The following ZNF609 variants were observed in gnomAD, a reference collection of about 807,000 sequenced individuals.
ZNF609 encodes the protein zinc finger protein 609.
A neutral mutation model predicts 109.5 loss-of-function variants in ZNF609; 11 were observed. That is an observed-to-expected ratio of 0.10 (90% CI 0.06 to 0.17). The LOEUF is 0.17. Among genes scored for constraint, ZNF609 ranks in the 10% least tolerant of loss-of-function variants. The pLI is 1.00. For synonymous variants in ZNF609, 646 were observed against 662.0 expected, an observed-to-expected ratio of 0.98 and a Z score of 0.37; for missense variants, 1,559 against 1,772.4, an observed-to-expected ratio of 0.88 and a Z score of 2.16.
chr15:64,581,965 CCT>C (rs1197699824), intron 2 of ZNF609, among the ~76,000 whole-genome samples: 1 of 152,020 alleles, frequency 6.6e-6, no homozygotes, highest in African/African-American at 2.4e-5. Context: ...TCAGAGTCAC[CCT>C]CTCCAACACT....
chr15:64,514,107 A>C (rs1317768804), intron 2 of ZNF609, among the ~76,000 whole-genome samples: 2 of 148,446 alleles, frequency 1.3e-5, no homozygotes, highest in Non-Finnish European at 3.0e-5. Flanking sequence ...AAAAAAAACC[A>C]CCAGTTCAAA....
intron 2 of ZNF609, among the ~76,000 whole-genome samples, chr15:64,580,292 C>T (rs1056491038): frequency 6.6e-6 from 1 of 152,150 alleles, no homozygotes; most frequent in Non-Finnish European, 1.5e-5. Context: ...TCAGAGAGAA[C>T]CATTTTAGAC....
Position 64,499,620 on chromosome 15 carries a change from A to T in ZNF609, c.201A>T (p.Thr67=). ...VGIPAPNAVA[T]LPDNIKFVTP... is the part of the protein sequence containing the mutation. ...TACCGGCTCCCAATGCTGTGGCCAC[A>T]CTACCAGACAACATCAAGTTTGTGA... Residue 67 remains threonine, a synonymous_variant, in exon 2 of 10, where the codon ACA becomes ACT. Coordinates refer to ENST00000326648, the MANE Select transcript of ZNF609 (RefSeq NM_015042.2). 1 of 1,614,196 alleles carries T rather than the reference A, an allele frequency of 6.2e-7. No homozygotes were observed. The highest frequency in any genetic ancestry group is 8.5e-7 in the Non-Finnish European group (1 of 1,180,042).
chr15:64,553,660 G>A lies in ZNF609; in HGVS notation c.747+53494G>A, dbSNP rs549592763. ...GTTGCCCAGGCTGGAGTGCAGTGGCGCAATCTTGGCTCACTGCAAGCTCCG... is the reference window on the plus strand; with the variant it reads ...GTTGCCCAGGCTGGAGTGCAGTGGCACAATCTTGGCTCACTGCAAGCTCCG... On this transcript the variant is annotated intron_variant, in intron 2 of 9. Coordinates refer to ENST00000326648, the MANE Select transcript of ZNF609 (RefSeq NM_015042.2). 9.2e-5 allele frequency among the ~76,000 whole-genome samples: 14 copies of A among 151,438 alleles called. No homozygotes were observed. In the South Asian group the frequency reaches 2.3e-3, roughly 25 times the overall value.
rs749513249 is a variant in ZNF609, at chr15:64,495,822, C to CT, written c.-127-3457dup. On this transcript the variant is annotated intron_variant, in intron 1 of 9. Coordinates refer to ENST00000326648, the MANE Select transcript of ZNF609 (RefSeq NM_015042.2). ...ACACATTTTCATTTTAACCTGTTAT[C>CT]TTTTTTTTTTTTTTGAGACACAATT... Among the ~76,000 whole-genome samples, 1,100 of 123,024 alleles carry CT rather than the reference C, an allele frequency of 8.9e-3. 10 individuals carry two copies. The highest frequency in any genetic ancestry group is 0.024 in the African/African-American group (879 of 36,438). The allele number at this position is 123,024 out of a possible 152,430, so 80.7% of individuals were successfully genotyped here.
chr15:64,582,482 T>C (rs1895120269), intron 2 of ZNF609, among the ~76,000 whole-genome samples: 2 of 152,164 alleles, frequency 1.3e-5, no homozygotes, highest in Non-Finnish European at 2.9e-5. Flanking sequence ...CATTACACTC[T>C]TTTTCAAGTA....
chr15:64,466,050 A>G (rs1255839358), intron 1 of ZNF609, among the ~76,000 whole-genome samples: 1 of 128,222 alleles, frequency 7.8e-6, no homozygotes, highest in Non-Finnish European at 1.6e-5. Flanking sequence ...CGGGAGGTGG[A>G]GGTTGCAGTG....
At chr15:64,625,642 G>A (rs1170171809) in intron 3 of ZNF609, among the ~76,000 whole-genome samples, 1 of 151,934 alleles carries the variant, frequency 6.6e-6, no homozygotes, top group African/African-American at 2.4e-5. Context: ...TGTAATCCCA[G>A]CACTTTAGGA....
chr15:64,506,436 T>A (rs1036433772), intron 2 of ZNF609, among the ~76,000 whole-genome samples: 6 of 149,456 alleles, frequency 4.0e-5, no homozygotes, highest in African/African-American at 1.5e-4. Flanking sequence ...AAGTTTGTCT[T>A]TAGGCCGGGC....
chr15:64,645,016 C>T (rs193103998), intron 3 of ZNF609, among the ~76,000 whole-genome samples: 78 of 126,570 alleles, frequency 6.2e-4, no homozygotes, highest in African/African-American at 2.4e-3. Flanking sequence ...TTTCTTCCTT[C>T]CTTCCTTCCT....
In ZNF609 at chr15:64,675,327, T is replaced by C; in HGVS notation, c.2473T>C (p.Leu825=). 1.2e-6 allele frequency: 2 copies of C among 1,613,932 alleles called. No individual in the cohort carries two copies. The highest frequency in any genetic ancestry group is 1.1e-5 in the South Asian group (1 of 91,060). The change falls in exon 5 of 10, where the codon TTA becomes CTA. Residue 825 remains leucine, a synonymous_variant. Coordinates refer to ENST00000326648, the MANE Select transcript of ZNF609 (RefSeq NM_015042.2). The stretch of plus-strand genomic sequence containing the variant: ...TACCCCTACTCAGCCCCTGACTCCC[T>C]TACATGTGGTGACCCAGAATGGAGC... ...NTTPTQPLTP[L]HVVTQNGAEA... is the part of the protein sequence containing the mutation.
intron 3 of ZNF609, chr15:64,652,956 C>G (rs946461639): frequency 2.6e-5 from 4 of 153,112 alleles, no homozygotes; most frequent in African/African-American, 9.7e-5. Flanking sequence ...TTTGTTCCAT[C>G]TCTAATCCCA....
At position 64,630,098 on chromosome 15, in the gene ZNF609, CTTTTTTT is replaced by C. The variant is rs773124227; in HGVS notation, c.973+7057_973+7063del. On this transcript the variant is annotated intron_variant, in intron 3 of 9. Coordinates refer to ENST00000326648, the MANE Select transcript of ZNF609 (RefSeq NM_015042.2). ...TACCATCCTCCTAATTTTCTTTTTT[CTTTTTTT>C]TTTTTTTTTTGAGACAAAGTCTCGC... Among the ~76,000 whole-genome samples the C allele has an allele frequency of 2.2e-5, 3 of 136,900 alleles. No homozygotes were observed. In the South Asian group the frequency reaches 6.9e-4, roughly 32 times the overall value. 89.8% of individuals were successfully genotyped at this position (136,900 alleles called of 152,430 possible).
intron 2 of ZNF609, among the ~76,000 whole-genome samples, chr15:64,602,338 T>C (rs1285249624): frequency 6.6e-6 from 1 of 152,208 alleles, no homozygotes; most frequent in Non-Finnish European, 1.5e-5. Context: ...GTGTCATCAC[T>C]TAGTAGTAAC....
chr15:64,605,735 C>CTT (rs750562675), intron 2 of ZNF609, among the ~76,000 whole-genome samples: 17 of 134,244 alleles, frequency 1.3e-4, no homozygotes, highest in South Asian at 2.4e-4. Flanking sequence ...CTTTTTCTTT[C>CTT]TTTTTTTTTT....
intron 1 of ZNF609, among the ~76,000 whole-genome samples, chr15:64,494,017 A>G (rs534927574): frequency 6.6e-6 from 1 of 152,338 alleles, no homozygotes; most frequent in African/African-American, 2.4e-5. Context: ...CAAAGTTACT[A>G]TGAAGCCTGC....
intron 2 of ZNF609, among the ~76,000 whole-genome samples, chr15:64,514,154 A>G (rs1402284111): frequency 1.3e-5 from 2 of 151,710 alleles, no homozygotes; most frequent in South Asian, 2.1e-4. Flanking sequence ...CATATGCTCA[A>G]TAAGCAGAAC....
At chr15:64,465,004 G>C (rs941116924) in intron 1 of ZNF609, among the ~76,000 whole-genome samples, 1 of 152,034 alleles carries the variant, frequency 6.6e-6, no homozygotes, top group African/African-American at 2.4e-5. Context: ...AGATTCTTCT[G>C]TAACTGTGGT....
rs963732035 is a variant in ZNF609, at chr15:64,555,886, CAA to C, written c.747+55744_747+55745del. On this transcript the variant is annotated intron_variant, in intron 2 of 9. Coordinates refer to ENST00000326648, the MANE Select transcript of ZNF609 (RefSeq NM_015042.2). Reference sequence around the variant, plus strand: ...TGGGTGACAGAGCAAGACTCTGTCTCAAAAAAAAAAAAAAAAAAAAAAAAAGA... The same window carrying C: ...TGGGTGACAGAGCAAGACTCTGTCTCAAAAAAAAAAAAAAAAAAAAAAAGA... Among the ~76,000 whole-genome samples the C allele has an allele frequency of 9.5e-3, 371 of 38,854 alleles. 1 individual carries two copies. The highest frequency in any genetic ancestry group is 0.031 in the African/African-American group (355 of 11,332). 25.5% of individuals were successfully genotyped at this position (38,854 alleles called of 152,430 possible). A position where few individuals can be genotyped will look rare whatever the true frequency, so the allele number is the denominator to read the frequency against.
Sources: allele counts gnomAD v4.1 joint callset (sites outside exome capture counted in the v4.1 genomes callset), GRCh38; gene constraint gnomAD v4.1.1; transcripts MANE v1.5; gene names NCBI Gene and HGNC (gene_info 2026-07-23, HGNC 2026-07-21).